TNNI3K: variants seen among roughly 807,000 people sequenced by gnomAD.
TNNI3K encodes the protein TNNI3 interacting kinase.
In TNNI3K, 140 loss-of-function variants were observed where a neutral mutation model predicts 114.5. That is an observed-to-expected ratio of 1.22 (90% confidence interval 1.07 to 1.41). The LOEUF is 1.41. Among genes scored for constraint, TNNI3K ranks in the 40% most tolerant of loss-of-function variants. TNNI3K has a pLI of 0.00. For missense variants in TNNI3K, 1,125 were observed against 1,007.6 expected, an observed-to-expected ratio of 1.12 and a Z score of -1.58; for synonymous variants, 347 against 347.5, an observed-to-expected ratio of 1.00 and a Z score of 0.02.
intron 17 of TNNI3K, among the ~76,000 whole-genome samples, chr1:74,430,629 G>T (rs1665850230): frequency 6.6e-6 from 1 of 152,078 alleles, no homozygotes; most frequent in Non-Finnish European, 1.5e-5. Context: ...TGCATGCATT[G>T]TTAAGGTTAA....
intron 5 of TNNI3K, among the ~76,000 whole-genome samples, chr1:74,284,191 T>A (rs1038863330): frequency 6.6e-6 from 1 of 152,218 alleles, no homozygotes; most frequent in African/African-American, 2.4e-5. Context: ...TTCTCAGGGA[T>A]GATTCATCCT....
chr1:74,252,376 T>C (rs541622351), intron 4 of TNNI3K, among the ~76,000 whole-genome samples: 1 of 152,304 alleles, frequency 6.6e-6, no homozygotes, highest in African/African-American at 2.4e-5. Context: ...GGCAAAAATA[T>C]TAAAAGGCCA....
At chr1:74,395,572 G>A (rs1034565547) in intron 17 of TNNI3K, among the ~76,000 whole-genome samples, 1 of 152,184 alleles carries the variant, frequency 6.6e-6, no homozygotes, top group East Asian at 1.9e-4. Context: ...CTGCCTTGGT[G>A]GTTCAGCATT....
rs1314396032 is a variant in TNNI3K at position 74,520,899 on chromosome 1, C to G, written c.2352-19335C>G. On this transcript the variant is annotated intron_variant, in intron 23 of 24. Transcript: ENST00000326637. Reference sequence around the variant, plus strand: ...TCATCTTGGGGAGGATTGCTTGGAGCTTTAATTTGCACAGTTGTGAATAGT... The same window carrying G: ...TCATCTTGGGGAGGATTGCTTGGAGGTTTAATTTGCACAGTTGTGAATAGT... Among the ~76,000 whole-genome samples the G allele has an allele frequency of 2.6e-5, 4 of 152,142 alleles. No individual in the cohort carries two copies. In the East Asian group the frequency reaches 7.8e-4, roughly 29 times the overall value.
At chr1:74,439,917 A>C (rs566082582) in intron 20 of TNNI3K, among the ~76,000 whole-genome samples, 3 of 152,064 alleles carry the variant, frequency 2.0e-5, no homozygotes, top group Non-Finnish European at 4.4e-5. Flanking sequence ...GGCATGTGAG[A>C]GCAAATAAGG....
At chr1:74,464,270 C>A (rs751439855) in intron 21 of TNNI3K, among the ~76,000 whole-genome samples, 1 of 152,204 alleles carries the variant, frequency 6.6e-6, no homozygotes, top group Admixed American at 6.5e-5. Context: ...TTCCTAGTAA[C>A]ACAGTTCAGT....
chr1:74,491,040 GTGGTATCCAGT>G (rs1402497149), intron 22 of TNNI3K, among the ~76,000 whole-genome samples: 1 of 152,196 alleles, frequency 6.6e-6, no homozygotes, highest in African/African-American at 2.4e-5. Context: ...AAATGGCAAA[GTGGTATCCAGT>G]TGTGTCTGTG....
rs544290404 is a variant in TNNI3K, at chr1:74,538,504, G to A, written c.2352-1730G>A. On this transcript the variant is annotated intron_variant, in intron 23 of 24. Transcript: ENST00000326637. ...AGAAACAATTCCCCACCCTCATTGTGTGGAAAGAATATGGAGGGTGTATAA... is the reference window on the plus strand; with the variant it reads ...AGAAACAATTCCCCACCCTCATTGTATGGAAAGAATATGGAGGGTGTATAA... Among the ~76,000 whole-genome samples, 6 of 152,140 alleles carry A rather than the reference G, an allele frequency of 3.9e-5. No homozygotes were observed. In the East Asian group the frequency reaches 7.7e-4, roughly 20 times the overall value.
chr1:74,539,554 G>A (rs7553158), intron 23 of TNNI3K, among the ~76,000 whole-genome samples: 64,524 of 151,890 alleles, frequency 0.42, 15,513 homozygotes, highest in Non-Finnish European at 0.56. Flanking sequence ...AGGAGTTTGA[G>A]AAAGGAGAAG....
At chr1:74,482,484 A>G (rs1397440417) in intron 21 of TNNI3K, among the ~76,000 whole-genome samples, 1 of 152,232 alleles carries the variant, frequency 6.6e-6, no homozygotes, top group Admixed American at 6.5e-5. Flanking sequence ...GAAACGATAT[A>G]CACATCAACT....
Position 74,493,211 on chromosome 1 carries a change from G to C in TNNI3K, c.2351+945G>C, listed in dbSNP as rs1669164585. Among the ~76,000 whole-genome samples, 3 of 152,146 alleles carry C rather than the reference G, an allele frequency of 2.0e-5. No homozygotes were observed. In the South Asian group the frequency reaches 6.2e-4, roughly 32 times the overall value. On this transcript the variant is annotated intron_variant, in intron 23 of 24. Coordinates refer to ENST00000326637, the MANE Select transcript of TNNI3K (RefSeq NM_015978.3). Reference sequence around the variant, plus strand: ...GGGTGCTTCTAGGGGATAGGGAGGAGGGAGAAATTGGGAGTAAATGCTTAA... The same window carrying C: ...GGGTGCTTCTAGGGGATAGGGAGGACGGAGAAATTGGGAGTAAATGCTTAA...
chr1:74,373,408 G>A (rs1028779115), intron 17 of TNNI3K: 4 of 151,936 alleles, frequency 2.6e-5, no homozygotes, highest in Non-Finnish European at 2.9e-5. Flanking sequence ...GAAGTAGAGA[G>A]AAAGATGCAC....
intron 21 of TNNI3K, chr1:74,480,990 C>T: frequency 1.4e-6 from 1 of 693,326 alleles, no homozygotes; most frequent in South Asian, 1.6e-5. Context: ...AAAGCACAGA[C>T]TAGATGCAGG....
At chr1:74,469,362 C>A (rs563157164) in intron 21 of TNNI3K, 1 of 152,638 alleles carries the variant, frequency 6.6e-6, no homozygotes, top group African/African-American at 2.4e-5. Context: ...TACCAATATG[C>A]ATATCAGTTA....
chr1:74,470,925 T>C, intron 21 of TNNI3K: 1 of 400,758 alleles, frequency 2.5e-6, no homozygotes, highest in African/African-American at 2.0e-5. Context: ...CCGTTGTCCC[T>C]TGGTCAGTAG....
intron 23 of TNNI3K, among the ~76,000 whole-genome samples, chr1:74,512,367 C>T (rs1361845818): frequency 1.3e-5 from 2 of 152,176 alleles, no homozygotes; most frequent in African/African-American, 4.8e-5. Flanking sequence ...GCTCATGGCA[C>T]TCAACTATTC....
chr1:74,434,651 G>T (rs986009397), intron 17 of TNNI3K, among the ~76,000 whole-genome samples: 1 of 151,818 alleles, frequency 6.6e-6, no homozygotes, highest in Non-Finnish European at 1.5e-5. Context: ...TTCTCTGACA[G>T]GACAGTCTGA....
intron 5 of TNNI3K, among the ~76,000 whole-genome samples, chr1:74,306,765 T>C (rs1331285109): frequency 3.3e-5 from 5 of 152,200 alleles, no homozygotes; most frequent in African/African-American, 7.2e-5. Context: ...TATTAATCTT[T>C]TGTTGGATGC....
chr1:74,507,225 C>CA (rs980982672), intron 23 of TNNI3K, among the ~76,000 whole-genome samples: 9 of 124,240 alleles, frequency 7.2e-5, no homozygotes, highest in South Asian at 3.0e-4. Flanking sequence ...ATTTCTTCAC[C>CA]CCCCCCCCAT....
Sources: allele counts gnomAD v4.1 joint callset (sites outside exome capture counted in the v4.1 genomes callset), GRCh38; gene constraint gnomAD v4.1.1; transcripts MANE v1.5; gene names NCBI Gene and HGNC (gene_info 2026-07-23, HGNC 2026-07-21).